GALNT10: variants seen among roughly 807,000 people sequenced by gnomAD.
GALNT10 encodes the protein polypeptide N-acetylgalactosaminyltransferase 10, also known as GalNAc transferase 10.
In GALNT10, 41 loss-of-function variants were observed where a neutral mutation model predicts 75.0. That is an observed-to-expected ratio of 0.55 (90% CI 0.43 to 0.71). The LOEUF (loss-of-function observed/expected upper bound fraction) is 0.71, where lower values mean the gene tolerates loss of function less well. GALNT10 is among the 30% of genes least tolerant of loss of function. The probability of loss-of-function intolerance (pLI) is 0.00; values close to 1 mark genes in which losing one functional copy is unlikely to be tolerated. For missense variants in GALNT10, 727 were observed against 818.5 expected, an observed-to-expected ratio of 0.89 and a Z score of 1.36; for synonymous variants, 302 against 313.0, an observed-to-expected ratio of 0.96 and a Z score of 0.37.
intron 1 of GALNT10, among the ~76,000 whole-genome samples, chr5:154,238,971 G>A (rs1235900933): frequency 1.3e-5 from 2 of 152,162 alleles, no homozygotes; most frequent in African/African-American, 4.8e-5. Flanking sequence ...AGGAAGCCGA[G>A]TCTCAGGGAG....
chr5:154,353,721 C>T (rs776365832), intron 4 of GALNT10, among the ~76,000 whole-genome samples: 5 of 152,204 alleles, frequency 3.3e-5, no homozygotes, highest in Admixed American at 1.3e-4. Flanking sequence ...AGTGGAAGTT[C>T]GGAGAAGAGT....
chr5:154,384,885 A>G (rs1755787386), intron 6 of GALNT10, among the ~76,000 whole-genome samples: 1 of 152,236 alleles, frequency 6.6e-6, no homozygotes, highest in African/African-American at 2.4e-5. Flanking sequence ...GATGATAATG[A>G]GGCCTGCCAC....
intron 1 of GALNT10, among the ~76,000 whole-genome samples, chr5:154,249,843 T>A (rs1753487358): frequency 6.6e-6 from 1 of 152,200 alleles, no homozygotes; most frequent in Admixed American, 6.5e-5. Context: ...CTTCTCTCTC[T>A]TGCTACCCCA....
intron 6 of GALNT10, among the ~76,000 whole-genome samples, chr5:154,384,180 T>A (rs1364737523): frequency 6.6e-6 from 1 of 152,124 alleles, no homozygotes; most frequent in Non-Finnish European, 1.5e-5. Context: ...GGGATTACGG[T>A]AACTACAGTT....
intron 1 of GALNT10, among the ~76,000 whole-genome samples, chr5:154,264,714 A>C (rs1753753191): frequency 6.6e-6 from 1 of 152,218 alleles, no homozygotes; most frequent in South Asian, 2.1e-4. Context: ...GACAGAGATA[A>C]GTCAAAGGGC....
At chr5:154,371,355 G>C (rs541708923) in intron 4 of GALNT10, among the ~76,000 whole-genome samples, 1 of 151,974 alleles carries the variant, frequency 6.6e-6, no homozygotes, top group Non-Finnish European at 1.5e-5. Context: ...CAACAACCAG[G>C]GGTTAGGACT....
chr5:154,265,822 GATGGCCATGC>G (rs1214278669), intron 1 of GALNT10, among the ~76,000 whole-genome samples: 3 of 151,988 alleles, frequency 2.0e-5, no homozygotes, highest in African/African-American at 7.3e-5. Flanking sequence ...CCAGCTCCCA[GATGGCCATGC>G]ATTTGAAAAT....
chr5:154,351,504 A>G (rs565371748), intron 4 of GALNT10, among the ~76,000 whole-genome samples: 2 of 152,370 alleles, frequency 1.3e-5, no homozygotes, highest in African/African-American at 4.8e-5. Flanking sequence ...TCTACAATGC[A>G]ATATTTTTAT....
intron 1 of GALNT10, among the ~76,000 whole-genome samples, chr5:154,229,208 C>T (rs1753109638): frequency 6.6e-6 from 1 of 152,080 alleles, no homozygotes; most frequent in Non-Finnish European, 1.5e-5. Flanking sequence ...GTATTATCAC[C>T]ACCTAATGAA....
chr5:154,329,305 G>T, intron 3 of GALNT10: 1 of 435,944 alleles, frequency 2.3e-6, no homozygotes, highest in South Asian at 3.9e-5. Context: ...GTTACTGTAG[G>T]GCAGTCCTCC....
intron 4 of GALNT10, among the ~76,000 whole-genome samples, chr5:154,360,840 G>T (rs1257573424): frequency 2.0e-5 from 3 of 152,150 alleles, no homozygotes; most frequent in Admixed American, 6.5e-5. Context: ...GTTGATCCAA[G>T]AATTTATTTC....
chr5:154,337,514 A>G, intron 4 of GALNT10: 2 of 738,308 alleles, frequency 2.7e-6, no homozygotes, highest in South Asian at 1.4e-5. Flanking sequence ...TAGAACTGCC[A>G]TAGGCACCTT....
At chr5:154,285,364 G>T (rs1232705428) in intron 1 of GALNT10, among the ~76,000 whole-genome samples, 1 of 152,034 alleles carries the variant, frequency 6.6e-6, no homozygotes, top group Non-Finnish European at 1.5e-5. Flanking sequence ...TATCTCATTA[G>T]GTCTGATCTC....
intron 7 of GALNT10, chr5:154,388,100 C>G (rs1360467187): frequency 1.3e-5 from 2 of 151,944 alleles, no homozygotes; most frequent in Admixed American, 1.3e-4. Context: ...ACATGTTGAC[C>G]AGGCTGGTCT....
At chr5:154,395,225 G>A (rs1325998265) in intron 7 of GALNT10, among the ~76,000 whole-genome samples, 1 of 152,196 alleles carries the variant, frequency 6.6e-6, no homozygotes, top group Admixed American at 6.5e-5. Context: ...AACCAAAGAG[G>A]AGGCACTCAA....
At chr5:154,414,171 G>T (rs1756457266) in intron 10 of GALNT10, among the ~76,000 whole-genome samples, 1 of 152,202 alleles carries the variant, frequency 6.6e-6, no homozygotes, top group Non-Finnish European at 1.5e-5. Flanking sequence ...TATGCTGCTG[G>T]TGGGAGTGTA....
chr5:154,314,281 C>G (rs1245898478), intron 3 of GALNT10, among the ~76,000 whole-genome samples: 1 of 152,118 alleles, frequency 6.6e-6, no homozygotes, highest in East Asian at 1.9e-4. Context: ...GAACCCAGAT[C>G]TGAGTGTCTC....
At chr5:154,294,780 CT>C in intron 1 of GALNT10, 35 bp from the exon 2 acceptor site, 1 of 1,142,632 alleles carries the variant, frequency 8.8e-7, no homozygotes, top group Non-Finnish European at 1.3e-6. Context: ...CTGATTTGCC[CT>C]TTTCTATTTT....
At chr5:154,290,719 T>C (rs928408218) in intron 1 of GALNT10, among the ~76,000 whole-genome samples, 14 of 152,194 alleles carry the variant, frequency 9.2e-5, no homozygotes, top group Non-Finnish European at 1.5e-4. Context: ...CTGTAGCTCA[T>C]GCAAGGTCAC....
Sources: allele counts gnomAD v4.1 joint callset (sites outside exome capture counted in the v4.1 genomes callset), GRCh38; gene constraint gnomAD v4.1.1; transcripts MANE v1.5; gene names NCBI Gene and HGNC (gene_info 2026-07-23, HGNC 2026-07-21).